Variants in IQGAP1 observed in about 807,000 individuals in gnomAD.
IQGAP1 encodes the protein ras GTPase-activating-like protein IQGAP1.
IQGAP1 carries 66 observed loss-of-function variants against 215.6 expected under a neutral mutation model. The ratio of observed to expected loss-of-function variants is 0.31; its 90% CI spans 0.25 to 0.38. IQGAP1 has a LOEUF of 0.38. Among genes scored for constraint, IQGAP1 ranks in the 10% least tolerant of loss-of-function variants. The pLI is 1.00. For synonymous variants in IQGAP1, 772 were observed against 728.7 expected, an observed-to-expected ratio of 1.06 and a Z score of -0.96; for missense variants, 1,712 against 1,997.1, an observed-to-expected ratio of 0.86 and a Z score of 2.72.
rs146357997 is a variant in IQGAP1 at position 90,478,510 on chromosome 15, C to T, written c.3329+621C>T. ...CCAACCAGGTACATAAAAATAAAAG[C>T]ATAATTAAACATTGAAGAAAGTTTT... On this transcript the variant is annotated intron_variant, in intron 26 of 37. Coordinates refer to ENST00000268182, the MANE Select transcript of IQGAP1 (RefSeq NM_003870.4). Among the ~76,000 whole-genome samples the T allele has an allele frequency of 2.8e-3, 422 of 152,240 alleles. 3 individuals carry two copies. Among genetic ancestry groups the T allele is most frequent in the African/African-American group, 9.6e-3 (399 of 41,550 alleles).
chr15:90,499,973 T>TTTTGC, intron 37 of IQGAP1, 22 bp from the exon 38 acceptor site: 1 of 1,346,536 alleles, frequency 7.4e-7, no homozygotes, highest in Non-Finnish European at 1.1e-6. Context: ...TTTTGTTTTG[T>TTTTGC]TTTGTTTTGT....
intron 35 of IQGAP1, chr15:90,494,302 G>GTATT (rs59240733): frequency 0.68 from 103,092 of 151,930 alleles, 37,231 homozygotes; most frequent in African/African-American, 0.92. Flanking sequence ...CTTTTAAAAA[G>GTATT]TATTTGATGA....
chr15:90,467,948 C>G (rs1965854234), intron 18 of IQGAP1, among the ~76,000 whole-genome samples: 2 of 152,214 alleles, frequency 1.3e-5, no homozygotes, highest in African/African-American at 4.8e-5. Flanking sequence ...TAGCTACAAC[C>G]TGCACTTTCA....
chr15:90,474,283 G>T, intron 22 of IQGAP1, 150 bp downstream of exon 22: 2 of 790,204 alleles, frequency 2.5e-6, no homozygotes, highest in Non-Finnish European at 2.0e-6. Flanking sequence ...CTAACATGTG[G>T]CTAGGTGTCT....
chr15:90,445,311 C>T (rs1965512303), intron 9 of IQGAP1, among the ~76,000 whole-genome samples: 1 of 151,742 alleles, frequency 6.6e-6, no homozygotes, highest in Non-Finnish European at 1.5e-5. Flanking sequence ...ACTCAATGAA[C>T]ATTAATATTA....
intron 2 of IQGAP1, among the ~76,000 whole-genome samples, chr15:90,423,162 A>G (rs1965172322): frequency 6.6e-6 from 1 of 152,184 alleles, no homozygotes; most frequent in Admixed American, 6.5e-5. Context: ...TCATCTTGGA[A>G]TTCGAGTAGA....
At chr15:90,437,606 A>G (rs1965388005) in intron 5 of IQGAP1, among the ~76,000 whole-genome samples, 1 of 152,134 alleles carries the variant, frequency 6.6e-6, no homozygotes, top group African/African-American at 2.4e-5. Context: ...CAGAGGTGTG[A>G]TCTTGACTCA....
chr15:90,449,753 A>T, intron 11 of IQGAP1, 110 bp downstream of exon 11: 1 of 802,092 alleles, frequency 1.2e-6, no homozygotes, highest in Non-Finnish European at 1.9e-6. Context: ...TACTAGCCAT[A>T]ACCAACTGCC....
Position 90,474,654 on chromosome 15 carries a change from C to A in IQGAP1, c.2745C>A (p.Ile915=). ...QLENDLNLMD[I]KIGLLVKNKI... ...AGAATGACCTCAATCTCATGGATAT[C>A]AAAATTGGACTGCTAGTGAAAAATA... Residue 915 remains isoleucine, a synonymous_variant, in exon 23 of 38, where the codon ATC becomes ATA. Coordinates refer to ENST00000268182, the MANE Select transcript of IQGAP1 (RefSeq NM_003870.4). The A allele has an allele frequency of 6.2e-7, 1 of 1,613,998 alleles. No homozygotes were observed. The highest frequency in any genetic ancestry group is 1.1e-5 in the South Asian group (1 of 91,060).
chr15:90,446,549 A>G (rs1327688636), intron 9 of IQGAP1, among the ~76,000 whole-genome samples: 6 of 152,178 alleles, frequency 3.9e-5, no homozygotes, highest in Admixed American at 3.9e-4. Flanking sequence ...CTTAGGATAG[A>G]TAAGAGGGTG....
chr15:90,414,989 C>T (rs139460660), intron 2 of IQGAP1, among the ~76,000 whole-genome samples: 7 of 152,250 alleles, frequency 4.6e-5, no homozygotes, highest in African/African-American at 1.7e-4. Context: ...CTTCTCTTTT[C>T]GTTTTATAGA....
At chr15:90,458,659 A>C (rs553833145) in intron 15 of IQGAP1, among the ~76,000 whole-genome samples, 3 of 152,322 alleles carry the variant, frequency 2.0e-5, no homozygotes, top group Admixed American at 2.0e-4. Flanking sequence ...CAAGTTTGGG[A>C]AACACTAATC....
Position 90,441,492 on chromosome 15 carries a change from G to GA in IQGAP1, c.650-14_650-13insA, listed in dbSNP as rs752632457. 6 of 1,193,060 alleles carry GA rather than the reference G, an allele frequency of 5.0e-6. No individual in the cohort carries two copies. Among genetic ancestry groups the GA allele is most frequent in the Non-Finnish European group, 6.9e-6 (6 of 866,278 alleles). The allele number at this position is 1,193,060 out of a possible 1,614,324, so 73.9% of individuals were successfully genotyped here. On this transcript the variant is annotated splice_polypyrimidine_tract_variant and intron_variant, in intron 7 of 37. Transcript: ENST00000268182. ...AGTGTTTTTGTTGGTTTGTTTTTTT[G>GA]TTTTTTTTTTTAGTACATGCTGCTG...
chr15:90,449,357 A>G (rs931724112), intron 10 of IQGAP1, among the ~76,000 whole-genome samples: 2 of 152,206 alleles, frequency 1.3e-5, no homozygotes, highest in African/African-American at 4.8e-5. Context: ...ATGTACTGGT[A>G]TCTGTAAAGT....
chr15:90,399,021 A>G (rs913700246), intron 2 of IQGAP1, among the ~76,000 whole-genome samples: 7 of 151,542 alleles, frequency 4.6e-5, no homozygotes, highest in African/African-American at 1.2e-4. Flanking sequence ...AAAAAAAAAA[A>G]AAAAGTGAAT....
chr15:90,443,694 A>G (rs1435070669), intron 9 of IQGAP1, among the ~76,000 whole-genome samples: 3 of 152,170 alleles, frequency 2.0e-5, no homozygotes, highest in African/African-American at 7.2e-5. Context: ...TGACAGTAGC[A>G]TCATAGTAGT....
At chr15:90,396,526 C>A (rs1018252618) in intron 2 of IQGAP1, among the ~76,000 whole-genome samples, 4 of 152,082 alleles carry the variant, frequency 2.6e-5, no homozygotes, top group Non-Finnish European at 5.9e-5. Flanking sequence ...TGCGTAATGG[C>A]ACGGTGGCAC....
intron 2 of IQGAP1, among the ~76,000 whole-genome samples, chr15:90,406,482 TG>T (rs1459303133): frequency 6.6e-6 from 1 of 152,268 alleles, no homozygotes; most frequent in Non-Finnish European, 1.5e-5. Context: ...TTTTGGTTGA[TG>T]AAAGTGTTCT....
At chr15:90,484,447 C>T in intron 30 of IQGAP1, 95 bp downstream of exon 30, 1 of 920,278 alleles carries the variant, frequency 1.1e-6, no homozygotes, top group Admixed American at 2.4e-5. Context: ...TCTAACCTTC[C>T]TGTAATCTAA....
Sources: allele counts gnomAD v4.1 joint callset (sites outside exome capture counted in the v4.1 genomes callset), GRCh38; gene constraint gnomAD v4.1.1; transcripts MANE v1.5; gene names NCBI Gene and HGNC (gene_info 2026-07-23, HGNC 2026-07-21).